The following RTN4RL2 variants were observed in gnomAD, a reference collection of about 807,000 sequenced individuals.
RTN4RL2 encodes reticulon 4 receptor like 2, also known as reticulon-4 receptor-like 2.
A neutral mutation model predicts 27.8 loss-of-function variants in RTN4RL2; 9 were observed. The observed-to-expected ratio is 0.32, with a 90% CI of 0.20 to 0.57. The LOEUF (loss-of-function observed/expected upper bound fraction) is 0.57. RTN4RL2 is among the 20% of genes least tolerant of loss of function. The pLI is 0.90. For synonymous variants in RTN4RL2, 285 were observed against 297.9 expected (o/e 0.96, Z 0.45); for missense variants, 436 against 596.8 (o/e 0.73, Z 2.81).
At chr11:57,461,719 C>T (rs901307088) in intron 1 of RTN4RL2, among the ~76,000 whole-genome samples, 2 of 151,608 alleles carry the variant, frequency 1.3e-5, no homozygotes, top group African/African-American at 2.4e-5. Context: ...AGGACTGGGA[C>T]CCTGGGGACT....
intron 1 of RTN4RL2, among the ~76,000 whole-genome samples, chr11:57,464,601 C>A (rs1418213453): frequency 1.3e-5 from 2 of 152,216 alleles, no homozygotes; most frequent in African/African-American, 4.8e-5. Flanking sequence ...CCTTTCCCTG[C>A]CAACACTTTG....
At chr11:57,462,521 A>G (rs899790441) in intron 1 of RTN4RL2, among the ~76,000 whole-genome samples, 4 of 152,158 alleles carry the variant, frequency 2.6e-5, no homozygotes, top group African/African-American at 7.2e-5. Context: ...ACTCTGCACC[A>G]GCGACTCTGC....
rs536596105 is a variant in RTN4RL2 at position 57,461,698 on chromosome 11, G to A, written c.31+802G>A. Among the ~76,000 whole-genome samples, 47 of 152,170 alleles carry A rather than the reference G, an allele frequency of 3.1e-4. 1 individual carries two copies. Among genetic ancestry groups the A allele is most frequent in the Admixed American group, 2.9e-3 (45 of 15,294 alleles). ...CAGAATCCTGGGATGGAGGTAGCGG[G>A]AAAGAGAATCAGGACTGGGACCCTG... On this transcript the variant is annotated intron_variant, in intron 1 of 2. Transcript: ENST00000335099.
intron 2 of RTN4RL2, among the ~76,000 whole-genome samples, chr11:57,472,082 C>T (rs992544320): frequency 1.3e-5 from 2 of 152,058 alleles, no homozygotes; most frequent in Admixed American, 6.5e-5. Context: ...TGGTCTTGAA[C>T]TCCTGACCAC....
chr11:57,464,994 C>T (rs937071011), intron 1 of RTN4RL2, among the ~76,000 whole-genome samples: 3 of 152,206 alleles, frequency 2.0e-5, no homozygotes, highest in African/African-American at 7.2e-5. Flanking sequence ...TACACACGCA[C>T]GGGGCCCGGC....
chr11:57,468,579 C>T lies in RTN4RL2; in HGVS notation c.513+489C>T, dbSNP rs769367456. The T allele has an allele frequency of 7.2e-6, 11 of 1,536,722 alleles. No individual in the cohort carries two copies. In the South Asian group the frequency reaches 1.3e-4, roughly 18 times the overall value. On this transcript the variant is annotated intron_variant, in intron 2 of 2. Transcript: ENST00000335099. ...TCCCCCAGGGTCCCCTGCCCAAAGG[C>T]CTTTGCAGCTGTTTTTCTCACCCAC...
At position 57,476,522 on chromosome 11, in the gene RTN4RL2, C is replaced by T. The variant is rs1029692036; in HGVS notation, c.874C>T (p.Pro292Ser). ...CTCCGACGTGACCTGCGCCACCCCC[C>T]CGGAGCGCCAGGGCCGAGACCTGCG... ...SSSDVTCATP[P>S]ERQGRDLRAL... The change falls in exon 3 of 3, where the codon CCG (proline) becomes TCG (serine). Residue 292 changes from proline (P) to serine (S), a missense_variant. Transcript: ENST00000335099. This position sits in a 1 kb window ranked among gnomAD's most constrained non-coding sequence, Gnocchi z 8.2. The T allele has an allele frequency of 2.7e-6, 4 of 1,456,452 alleles. No homozygotes were observed. Among genetic ancestry groups the T allele is most frequent in the Admixed American group, 2.7e-5 (1 of 36,458 alleles). The allele number at this position is 1,456,452 out of a possible 1,614,324, so 90.2% of individuals were successfully genotyped here.
Position 57,477,181 on chromosome 11 carries a change from G to A in RTN4RL2, c.*270G>A. 2.6e-6 allele frequency: 1 copy of A among 388,688 alleles called. No individual in the cohort carries two copies. The highest frequency in any genetic ancestry group is 4.6e-6 in the Non-Finnish European group (1 of 219,486). 24.1% of individuals were successfully genotyped at this position (388,688 alleles called of 1,614,324 possible). A position where few individuals can be genotyped will look rare whatever the true frequency, so the allele number is the denominator to read the frequency against. On this transcript the variant is annotated 3_prime_UTR_variant, in exon 3 of 3. Coordinates refer to ENST00000335099, the MANE Select transcript of RTN4RL2 (RefSeq NM_178570.3). The stretch of plus-strand genomic sequence containing the variant: ...AACTCTTCCCCATCCCAAGGCTGGG[G>A]TGGGGCCCCCCAGGCAGCCGCTGAC...
intron 2 of RTN4RL2, chr11:57,468,414 T>C (rs1199266163): frequency 1.4e-6 from 1 of 719,842 alleles, no homozygotes; most frequent in Non-Finnish European, 2.3e-6. Context: ...TCTCACTAAC[T>C]TGCCTCCCCC....
In RTN4RL2 at chr11:57,467,584, T is replaced by C; in HGVS notation, c.32-25T>C. 6.3e-7 allele frequency: 1 copy of C among 1,579,870 alleles called. No homozygotes were observed. Among genetic ancestry groups the C allele is most frequent in the Non-Finnish European group, 8.6e-7 (1 of 1,163,204 alleles). On this transcript the variant is annotated intron_variant, in intron 1 of 2. Transcript: ENST00000335099. The surrounding 1 kb of genome is among the most constrained non-coding windows in gnomAD (Gnocchi z 5.5). ...ACTCCTGCCCTGGAAGCCCACCTAGTAAGTTCTGCTTCCCCTCCCCACAGC... is the reference window on the plus strand; with the variant it reads ...ACTCCTGCCCTGGAAGCCCACCTAGCAAGTTCTGCTTCCCCTCCCCACAGC...
At chr11:57,473,702 G>C (rs1943578013) in intron 2 of RTN4RL2, among the ~76,000 whole-genome samples, 1 of 152,080 alleles carries the variant, frequency 6.6e-6, no homozygotes, top group Non-Finnish European at 1.5e-5. Flanking sequence ...TACATTCAAG[G>C]AAGTGGCAAC....
chr11:57,476,371 GCTGCCCGGCGAGGCGCTCGCCGAC>G lies in RTN4RL2; in HGVS notation c.730_753del (p.Gly244_Pro251del). On this transcript the variant is annotated inframe_deletion, in exon 3 of 3. Transcript: ENST00000335099. The surrounding 1 kb of genome is among the most constrained non-coding windows in gnomAD (Gnocchi z 8.2). The stretch of plus-strand genomic sequence containing the variant: ...ACCTGTTCAACAACAGCCTGGCCTC[GCTGCCCGGCGAGGCGCTCGCCGAC>G]CTGCCCTCGCTCGAGTTCCTGCGGC... 1 of 1,608,854 alleles carries G rather than the reference GCTGCCCGGCGAGGCGCTCGCCGAC, an allele frequency of 6.2e-7. No homozygotes were observed. The highest frequency in any genetic ancestry group is 8.5e-7 in the Non-Finnish European group (1 of 1,179,268).
At chr11:57,470,207 C>T (rs1943553780) in intron 2 of RTN4RL2, among the ~76,000 whole-genome samples, 1 of 152,124 alleles carries the variant, frequency 6.6e-6, no homozygotes, top group African/African-American at 2.4e-5. Flanking sequence ...TCTCAGTCTC[C>T]ATTTCCTCAT....
rs1943534951 is a variant in RTN4RL2 at position 57,467,544 on chromosome 11, T to C, written c.32-65T>C. 2 of 1,540,172 alleles carry C rather than the reference T, an allele frequency of 1.3e-6. No homozygotes were observed. Among genetic ancestry groups the C allele is most frequent in the Non-Finnish European group, 8.7e-7 (1 of 1,146,124 alleles). ...TAGGCCTTTTACCAAGTTGGGGGGC[T>C]GGCCCCCAGCTGGCACTCCTGCCCT... is the stretch of plus-strand genomic sequence containing the variant. On this transcript the variant is annotated intron_variant, in intron 1 of 2. Coordinates refer to ENST00000335099, the MANE Select transcript of RTN4RL2 (RefSeq NM_178570.3). The surrounding 1 kb of genome is among the most constrained non-coding windows in gnomAD (Gnocchi z 5.5).
rs749101413 is a variant in RTN4RL2, at chr11:57,467,685, C to T, written c.108C>T (p.Thr36=). ...LAAPSCPMLC[T]CYSSPPTVSC... ...CCCCCAGCTGCCCCATGCTCTGCAC[C>T]TGCTACTCATCCCCGCCCACCGTGA... Residue 36 remains threonine, a synonymous_variant, in exon 2 of 3, where the codon ACC becomes ACT. Coordinates refer to ENST00000335099, the MANE Select transcript of RTN4RL2 (RefSeq NM_178570.3). This position sits in a 1 kb window ranked among gnomAD's most constrained non-coding sequence, Gnocchi z 5.5. 1 of 1,611,794 alleles carries T rather than the reference C, an allele frequency of 6.2e-7. No homozygotes were observed. The highest frequency in any genetic ancestry group is 1.1e-5 in the South Asian group (1 of 91,068).
chr11:57,476,176 G>A lies in RTN4RL2; in HGVS notation c.528G>A (p.Ala176=). 1 of 1,606,352 alleles carries A rather than the reference G, an allele frequency of 6.2e-7. No individual in the cohort carries two copies. Among genetic ancestry groups the A allele is most frequent in the Non-Finnish European group, 8.5e-7 (1 of 1,175,734 alleles). Residue 176 remains alanine, a synonymous_variant, in exon 3 of 3, where the codon GCG becomes GCA. Transcript: ENST00000335099. This position sits in a 1 kb window ranked among gnomAD's most constrained non-coding sequence, Gnocchi z 8.2. ...SLLHLQDDLF[A]DLANLSHLFL... is the part of the protein sequence containing the mutation. ...ACCCCACCCAGGATGACTTGTTCGC[G>A]GACCTGGCCAACCTGAGCCACCTCT...
At chr11:57,461,357 T>A (rs1394671064) in intron 1 of RTN4RL2, among the ~76,000 whole-genome samples, 1 of 141,180 alleles carries the variant, frequency 7.1e-6, no homozygotes, top group East Asian at 2.1e-4. Flanking sequence ...TGGCCCTCTC[T>A]GGTAGGAGAG....
At chr11:57,466,991 T>C (rs1400742241) in intron 1 of RTN4RL2, among the ~76,000 whole-genome samples, 2 of 152,244 alleles carry the variant, frequency 1.3e-5, no homozygotes, top group Non-Finnish European at 2.9e-5. Context: ...CTTTTGACAT[T>C]AATCTCTAGA....
Position 57,467,537 on chromosome 11 carries a change from G to C in RTN4RL2, c.32-72G>C. ...CCGGGTCTAGGCCTTTTACCAAGTT[G>C]GGGGGCTGGCCCCCAGCTGGCACTC... is the stretch of plus-strand genomic sequence containing the variant. On this transcript the variant is annotated intron_variant, in intron 1 of 2. Coordinates refer to ENST00000335099, the MANE Select transcript of RTN4RL2 (RefSeq NM_178570.3). The surrounding 1 kb of genome is among the most constrained non-coding windows in gnomAD (Gnocchi z 5.5). 1 of 1,534,756 alleles carries C rather than the reference G, an allele frequency of 6.5e-7. No homozygotes were observed. Among genetic ancestry groups the C allele is most frequent in the South Asian group, 1.3e-5 (1 of 78,836 alleles).
Sources: gnomAD v4.1 joint callset for allele counts (sites outside exome capture counted in the v4.1 genomes callset) on GRCh38, gnomAD v4.1.1 for gene constraint, Gnocchi (gnomAD v3.1) non-coding constraint, MANE v1.5 for transcripts, NCBI Gene and HGNC (gene_info 2026-07-23, HGNC 2026-07-21) for gene names.